Variants in TMEM132B observed in about 807,000 individuals in gnomAD.
TMEM132B encodes the protein transmembrane protein 132B.
In TMEM132B, 18 loss-of-function variants were observed where a neutral mutation model predicts 90.8. That is an observed-to-expected ratio of 0.20 (90% CI 0.14 to 0.29). The LOEUF (loss-of-function observed/expected upper bound fraction) is 0.29, where lower values mean the gene tolerates loss of function less well. Among genes scored for constraint, TMEM132B ranks in the 10% least tolerant of loss-of-function variants. The pLI is 1.00. For missense variants in TMEM132B, 1,096 were observed against 1,326.8 expected (o/e 0.83, Z 2.70); for synonymous variants, 504 against 523.3 (o/e 0.96, Z 0.50).
At chr12:125,508,089 G>C (rs1882891568) in intron 3 of TMEM132B, among the ~76,000 whole-genome samples, 2 of 152,212 alleles carry the variant, frequency 1.3e-5, no homozygotes, top group Non-Finnish European at 2.9e-5. Context: ...GGACGACCAA[G>C]ATTTTGACCA....
chr12:125,287,285 C>T (rs1875388553), intron 1 of TMEM132B, among the ~76,000 whole-genome samples: 1 of 152,178 alleles, frequency 6.6e-6, no homozygotes, highest in African/African-American at 2.4e-5. Context: ...ACAGGATCAT[C>T]TCCCATCTCA....
At chr12:125,274,404 T>C (rs1874932541) in intron 1 of TMEM132B, among the ~76,000 whole-genome samples, 1 of 152,242 alleles carries the variant, frequency 6.6e-6, no homozygotes, top group Non-Finnish European at 1.5e-5. Context: ...GTGTCTACAA[T>C]GGCTGGGTCA....
Position 125,650,686 on chromosome 12 carries a change from T to G in TMEM132B, c.1647T>G (p.Pro549=). The change falls in exon 7 of 9, where the codon CCT becomes CCG. Residue 549 remains proline, a synonymous_variant. Coordinates refer to ENST00000682704, the MANE Select transcript of TMEM132B (RefSeq NM_001366854.1). ...GTTTCGATTCCTTGTGCTCCAGGCC[T>G]ACCCGGGAAAGCGATGACGAGGACG... The part of the protein sequence containing the change: ...WRIPVAANRR[P]TRESDDEDDE... 6.2e-7 allele frequency: 1 copy of G among 1,606,758 alleles called. No individual in the cohort carries two copies. Among genetic ancestry groups the G allele is most frequent in the Non-Finnish European group, 8.5e-7 (1 of 1,173,644 alleles).
At chr12:125,468,421 G>A (rs1410967253) in intron 3 of TMEM132B, among the ~76,000 whole-genome samples, 3 of 152,198 alleles carry the variant, frequency 2.0e-5, no homozygotes, top group African/African-American at 7.2e-5. Flanking sequence ...GTGTGGTAAT[G>A]GTAAGGGAAA....
At chr12:125,556,316 C>T (rs1295606902) in intron 4 of TMEM132B, among the ~76,000 whole-genome samples, 4 of 152,182 alleles carry the variant, frequency 2.6e-5, no homozygotes, top group Non-Finnish European at 5.9e-5. Flanking sequence ...TTTATAAATG[C>T]TTTTGGCTGC....
At position 125,246,864 on chromosome 12, in the gene TMEM132B, G is replaced by T. The variant is rs1874217963; in HGVS notation, c.67+59998G>T. On this transcript the variant is annotated intron_variant, in intron 1 of 8. Transcript: ENST00000682704. The surrounding 1 kb of genome is among the most constrained non-coding windows in gnomAD (Gnocchi z 4.2). ...CAGTGTCTCTGATGTGACACCATTT[G>T]GGGTTTCAGCATTTCATCACATTTC... is the stretch of plus-strand genomic sequence containing the variant. Among the ~76,000 whole-genome samples, 1 of 152,118 alleles carries T rather than the reference G, an allele frequency of 6.6e-6. No individual in the cohort carries two copies. Among genetic ancestry groups the T allele is most frequent in the Non-Finnish European group, 1.5e-5 (1 of 68,028 alleles).
intron 1 of TMEM132B, among the ~76,000 whole-genome samples, chr12:125,256,447 G>A (rs887785702): frequency 1.8e-4 from 28 of 152,122 alleles, no homozygotes; most frequent in Non-Finnish European, 3.5e-4. Flanking sequence ...TGCAAAGTAG[G>A]GTCTTTGGGT....
At position 125,652,565 on chromosome 12, in the gene TMEM132B, A is replaced by G; in HGVS notation, c.2039A>G (p.His680Arg). 6.2e-7 allele frequency: 1 copy of G among 1,613,782 alleles called. No individual in the cohort carries two copies. Among genetic ancestry groups the G allele is most frequent in the Middle Eastern group, 1.7e-4 (1 of 6,036 alleles). Residue 680 changes from histidine (H) to arginine (R), a missense_variant, in exon 8 of 9, where the codon CAC becomes CGC. His to Arg is a conservative substitution (Grantham distance 29, BLOSUM62 0). Transcript: ENST00000682704. ...VAGMSLSLQP[H>R]RADKRAIVST... ...GGCATGTCTCTCTCCCTGCAGCCAC[A>G]CCGAGCAGACAAAAGGGCCATCGTC...
At chr12:125,449,810 G>T (rs1881102541) in intron 3 of TMEM132B, among the ~76,000 whole-genome samples, 1 of 152,050 alleles carries the variant, frequency 6.6e-6, no homozygotes, top group Non-Finnish European at 1.5e-5. Flanking sequence ...AAGTAAATAT[G>T]TTTTATGCAT....
intron 1 of TMEM132B, among the ~76,000 whole-genome samples, chr12:125,249,202 C>T (rs1475618999): frequency 6.6e-6 from 1 of 152,158 alleles, no homozygotes; most frequent in Non-Finnish European, 1.5e-5. Flanking sequence ...GATTCTCACC[C>T]TTGAGTGAGC....
chr12:125,499,571 C>T lies in TMEM132B; in HGVS notation c.1107-19868C>T, dbSNP rs112997275. Among the ~76,000 whole-genome samples the T allele has an allele frequency of 2.6e-3, 399 of 152,210 alleles. 2 individuals are homozygous for T. The highest frequency in any genetic ancestry group is 8.8e-3 in the African/African-American group (365 of 41,524). On this transcript the variant is annotated intron_variant, in intron 3 of 8. Coordinates refer to ENST00000682704, the MANE Select transcript of TMEM132B (RefSeq NM_001366854.1). The stretch of plus-strand genomic sequence containing the variant: ...TGTTCATAGCTCTGGGAATGGAATG[C>T]GACCCTTATGGAGAGCCTATAAGTG...
At chr12:125,455,546 T>G (rs1433117084) in intron 3 of TMEM132B, among the ~76,000 whole-genome samples, 1 of 152,140 alleles carries the variant, frequency 6.6e-6, no homozygotes, top group Non-Finnish European at 1.5e-5. Flanking sequence ...GTGATTTGTG[T>G]GATTTTGGTG....
intron 3 of TMEM132B, among the ~76,000 whole-genome samples, chr12:125,465,997 G>A (rs1566044621): frequency 6.6e-6 from 1 of 152,046 alleles, no homozygotes; most frequent in South Asian, 2.1e-4. Flanking sequence ...GCAGAACCAT[G>A]AGCCACAATA....
At chr12:125,409,048 C>T (rs146621862) in intron 2 of TMEM132B, among the ~76,000 whole-genome samples, 1 of 152,204 alleles carries the variant, frequency 6.6e-6, no homozygotes, top group African/African-American at 2.4e-5. Context: ...GTGCATCAAC[C>T]CTGTCTTGGC....
chr12:125,516,035 C>T (rs1324906410), intron 3 of TMEM132B, among the ~76,000 whole-genome samples: 1 of 151,870 alleles, frequency 6.6e-6, no homozygotes, highest in African/African-American at 2.4e-5. Flanking sequence ...ACTCTCACAC[C>T]CCCACATTCA....
In TMEM132B at chr12:125,209,185, G is replaced by A. The variant is rs2136064189; in HGVS notation, c.67+22319G>A. The stretch of plus-strand genomic sequence containing the variant: ...GCTTGGGGATTAAAGGGAAGAAAAA[G>A]AAAAGGGGAAGCCTCTGGCCAGCCT... On this transcript the variant is annotated intron_variant, in intron 1 of 8. Coordinates refer to ENST00000682704, the MANE Select transcript of TMEM132B (RefSeq NM_001366854.1). This position sits in a 1 kb window ranked among gnomAD's most constrained non-coding sequence, Gnocchi z 4.4. Among the ~76,000 whole-genome samples, 1 of 152,320 alleles carries A rather than the reference G, an allele frequency of 6.6e-6. No homozygotes were observed. Among genetic ancestry groups the A allele is most frequent in the South Asian group, 2.1e-4 (1 of 4,828 alleles).
rs1453348759 is a variant in TMEM132B, at chr12:125,445,512, TG to T, written c.1106+29837del. ...GTCAGCAGAGGACACTGGAGGAACA[TG>T]GTAGGAGGAGGGATCTGCATCTGGA... On this transcript the variant is annotated intron_variant, in intron 3 of 8. Coordinates refer to ENST00000682704, the MANE Select transcript of TMEM132B (RefSeq NM_001366854.1). The surrounding 1 kb of genome is among the most constrained non-coding windows in gnomAD (Gnocchi z 4.3). 6.6e-6 allele frequency among the ~76,000 whole-genome samples: 1 copy of T among 152,168 alleles called. No homozygotes were observed. Among genetic ancestry groups the T allele is most frequent in the African/African-American group, 2.4e-5 (1 of 41,458 alleles).
chr12:125,413,641 A>G (rs543101547), intron 2 of TMEM132B, among the ~76,000 whole-genome samples: 9 of 152,232 alleles, frequency 5.9e-5, no homozygotes, highest in Non-Finnish European at 1.2e-4. Flanking sequence ...GCATCACGTT[A>G]TCGAGGTTCA....
At chr12:125,356,787 C>G (rs7314234) in intron 2 of TMEM132B, among the ~76,000 whole-genome samples, 1,892 of 152,364 alleles carry the variant, frequency 0.012, 44 homozygotes, top group African/African-American at 0.042. Flanking sequence ...TGGCCCACCC[C>G]CTTTTTGGCC....
Sources: gnomAD v4.1 joint callset for allele counts (sites outside exome capture counted in the v4.1 genomes callset) on GRCh38, gnomAD v4.1.1 for gene constraint, Gnocchi (gnomAD v3.1) non-coding constraint, MANE v1.5 for transcripts, NCBI Gene and HGNC (gene_info 2026-07-23, HGNC 2026-07-21) for gene names.